UNC5C: variants seen among roughly 807,000 people sequenced by gnomAD.
The protein encoded by UNC5C is unc-5 netrin receptor C.
In UNC5C, 47 loss-of-function variants were observed where a neutral mutation model predicts 99.8. That is an observed-to-expected ratio of 0.47 (90% CI 0.37 to 0.60). The LOEUF is 0.60. Ranked by LOEUF, UNC5C falls within the 20% of genes least tolerant of loss-of-function variation. The probability of loss-of-function intolerance (pLI) is 0.00; values close to 1 mark genes in which losing one functional copy is unlikely to be tolerated. For missense variants in UNC5C, 1,062 were observed against 1,165.9 expected, an observed-to-expected ratio of 0.91 and a Z score of 1.30; for synonymous variants, 487 against 452.2, an observed-to-expected ratio of 1.08 and a Z score of -0.98.
intron 1 of UNC5C, among the ~76,000 whole-genome samples, chr4:95,538,807 A>G (rs1722844059): frequency 6.6e-6 from 1 of 152,210 alleles, no homozygotes; most frequent in Admixed American, 6.6e-5. Context: ...AGTAGTGAAT[A>G]TAAGTAAGGA....
intron 3 of UNC5C, among the ~76,000 whole-genome samples, chr4:95,285,816 G>C (rs1039489896): frequency 6.6e-6 from 1 of 152,110 alleles, no homozygotes. Context: ...GTAAGGATGC[G>C]GGTATGTGTC....
At chr4:95,271,613 T>A (rs1273992322) in intron 4 of UNC5C, among the ~76,000 whole-genome samples, 1 of 152,224 alleles carries the variant, frequency 6.6e-6, no homozygotes, top group Non-Finnish European at 1.5e-5. Context: ...ACATGGAACA[T>A]TTCAGTTTCT....
At chr4:95,481,054 A>G (rs1721136160) in intron 1 of UNC5C, among the ~76,000 whole-genome samples, 1 of 150,902 alleles carries the variant, frequency 6.6e-6, no homozygotes, top group Non-Finnish European at 1.5e-5. Flanking sequence ...AATTAGGAAA[A>G]GAGGAAGTCA....
At chr4:95,332,939 AC>A (rs779522599) in intron 2 of UNC5C, among the ~76,000 whole-genome samples, 1 of 152,208 alleles carries the variant, frequency 6.6e-6, no homozygotes, top group Non-Finnish European at 1.5e-5. Context: ...TCAAAAGAAG[AC>A]ATTTATGTAG....
chr4:95,423,674 C>T (rs1746382249), intron 1 of UNC5C, among the ~76,000 whole-genome samples: 1 of 152,184 alleles, frequency 6.6e-6, no homozygotes, highest in Admixed American at 6.5e-5. Flanking sequence ...GAAGAAATGT[C>T]TTTTAAAATG....
At chr4:95,458,738 T>A (rs1268990649) in intron 1 of UNC5C, among the ~76,000 whole-genome samples, 1 of 152,046 alleles carries the variant, frequency 6.6e-6, no homozygotes, top group Non-Finnish European at 1.5e-5. Context: ...TATATTGTAA[T>A]TGAGTACTTC....
intron 1 of UNC5C, among the ~76,000 whole-genome samples, chr4:95,433,107 A>G (rs1318646079): frequency 6.6e-6 from 1 of 152,092 alleles, no homozygotes; most frequent in African/African-American, 2.4e-5. Flanking sequence ...TTTCTGCCAC[A>G]CTGACAGGTA....
chr4:95,459,863 C>T (rs918012786), intron 1 of UNC5C, among the ~76,000 whole-genome samples: 1 of 152,088 alleles, frequency 6.6e-6, no homozygotes, highest in Non-Finnish European at 1.5e-5. Context: ...AAGTATTCTT[C>T]ATAATTTTAT....
At chr4:95,182,771 A>G (rs1736664743) in intron 14 of UNC5C, 126 bp downstream of exon 14, 1 of 972,782 alleles carries the variant, frequency 1.0e-6, no homozygotes, top group Non-Finnish European at 1.4e-6. Context: ...ATTAACAAAT[A>G]GGATCTATAG....
intron 12 of UNC5C, among the ~76,000 whole-genome samples, chr4:95,200,203 C>T (rs548776303): frequency 2.1e-3 from 315 of 152,344 alleles, no homozygotes; most frequent in African/African-American, 6.9e-3. Flanking sequence ...ACTCTCTGAA[C>T]GGAAGCTCCA....
intron 2 of UNC5C, among the ~76,000 whole-genome samples, chr4:95,312,789 G>A (rs550150678): frequency 4.2e-4 from 64 of 152,174 alleles, no homozygotes; most frequent in African/African-American, 1.5e-3. Flanking sequence ...TATATTGAAG[G>A]CATTGGTCAG....
intron 12 of UNC5C, among the ~76,000 whole-genome samples, chr4:95,199,709 T>C (rs993590488): frequency 4.6e-5 from 7 of 152,188 alleles, no homozygotes; most frequent in African/African-American, 1.7e-4. Context: ...TGTGTGAATA[T>C]AAAATATGTA....
intron 7 of UNC5C, among the ~76,000 whole-genome samples, chr4:95,227,051 G>A (rs1022378428): frequency 6.6e-6 from 1 of 152,026 alleles, no homozygotes; most frequent in African/African-American, 2.4e-5. Context: ...GTTATCCCTG[G>A]GTACAGTGTG....
intron 4 of UNC5C, among the ~76,000 whole-genome samples, chr4:95,258,803 G>C (rs1380962233): frequency 8.1e-6 from 1 of 123,356 alleles, no homozygotes; most frequent in Non-Finnish European, 1.6e-5. Flanking sequence ...CGCCCAGGCC[G>C]GACTGCGGAC....
At chr4:95,529,710 G>C (rs1165258627) in intron 1 of UNC5C, among the ~76,000 whole-genome samples, 1 of 151,834 alleles carries the variant, frequency 6.6e-6, no homozygotes, top group Non-Finnish European at 1.5e-5. Flanking sequence ...CTGAGTAACA[G>C]AGCGAGACCC....
At position 95,278,123 on chromosome 4, in the gene UNC5C, C is replaced by A. The variant is rs527956401; in HGVS notation, c.594+136G>T. The A allele has an allele frequency of 1.6e-5, 11 of 687,332 alleles. No homozygotes were observed. In the South Asian group the frequency reaches 1.9e-4, roughly 12 times the overall value. The allele number at this position is 687,332 out of a possible 1,614,324, so 42.6% of individuals were successfully genotyped here. ...GTTCCCAATCAATCTATTTTGCCAG[C>A]AGCAGGCAGTTAGGACTCTATTACC... is the stretch of plus-strand genomic sequence containing the variant. On this transcript the variant is annotated intron_variant, in intron 4 of 15. Coordinates refer to ENST00000453304, the MANE Select transcript of UNC5C (RefSeq NM_003728.4).
At chr4:95,543,925 C>A (rs1722990022) in intron 1 of UNC5C, among the ~76,000 whole-genome samples, 1 of 152,186 alleles carries the variant, frequency 6.6e-6, no homozygotes, top group Non-Finnish European at 1.5e-5. Flanking sequence ...TTACAATGAT[C>A]TACTCCGCAG....
intron 1 of UNC5C, among the ~76,000 whole-genome samples, chr4:95,437,046 C>A (rs1746816535): frequency 6.9e-6 from 1 of 145,250 alleles, no homozygotes; most frequent in Non-Finnish European, 1.5e-5. Flanking sequence ...CTGCAACTTT[C>A]TCACTGAGGA....
chr4:95,362,523 G>A (rs567672872), intron 1 of UNC5C, among the ~76,000 whole-genome samples: 1 of 152,292 alleles, frequency 6.6e-6, no homozygotes, highest in South Asian at 2.1e-4. Flanking sequence ...GGATTTGACT[G>A]TGATGGAGCC....
Sources: allele counts gnomAD v4.1 joint callset (sites outside exome capture counted in the v4.1 genomes callset), GRCh38; gene constraint gnomAD v4.1.1; transcripts MANE v1.5; gene names NCBI Gene and HGNC (gene_info 2026-07-23, HGNC 2026-07-21).